Variants in MYT1L observed in about 807,000 individuals in gnomAD.
MYT1L encodes the protein myelin transcription factor 1-like protein.
Under a neutral mutation model 126.7 loss-of-function variants are expected in MYT1L, and 12 were observed. The ratio of observed to expected loss-of-function variants is 0.09; its 90% CI spans 0.06 to 0.15. MYT1L has a LOEUF of 0.15. Among genes scored for constraint, MYT1L ranks in the 10% least tolerant of loss-of-function variants. The probability of loss-of-function intolerance (pLI) is 1.00; values close to 1 mark genes in which losing one functional copy is unlikely to be tolerated. For synonymous variants in MYT1L, 541 were observed against 604.2 expected, an observed-to-expected ratio of 0.90 and a Z score of 1.53; for missense variants, 979 against 1,585.2, an observed-to-expected ratio of 0.62 and a Z score of 6.49.
intron 1 of MYT1L, among the ~76,000 whole-genome samples, chr2:2,303,191 A>T (rs2095810341): frequency 6.6e-6 from 1 of 152,216 alleles, no homozygotes; most frequent in Non-Finnish European, 1.5e-5. Context: ...GTTCAGCATC[A>T]CAGGTGGAGA....
intron 2 of MYT1L, among the ~76,000 whole-genome samples, chr2:2,211,046 G>A (rs2093487465): frequency 6.6e-6 from 1 of 152,054 alleles, no homozygotes; most frequent in Non-Finnish European, 1.5e-5. Flanking sequence ...GTTGACATAT[G>A]GAAATGCTAC....
At chr2:1,959,481 G>A (rs560457445) in intron 8 of MYT1L, among the ~76,000 whole-genome samples, 3 of 152,312 alleles carry the variant, frequency 2.0e-5, no homozygotes, top group African/African-American at 7.2e-5. Context: ...GCATCTGATT[G>A]GCTGGCATGG....
intron 3 of MYT1L, among the ~76,000 whole-genome samples, chr2:2,079,645 A>T (rs2075604546): frequency 1.3e-5 from 2 of 152,270 alleles, no homozygotes; most frequent in South Asian, 4.1e-4. Flanking sequence ...GTCTATTAAA[A>T]ATACACAAAA....
At chr2:2,058,496 G>A (rs2069919946) in intron 3 of MYT1L, among the ~76,000 whole-genome samples, 3 of 152,102 alleles carry the variant, frequency 2.0e-5, no homozygotes, top group Admixed American at 2.0e-4. Flanking sequence ...TTCATGTTCT[G>A]TCTTTCCCCA....
At chr2:1,948,757 T>G (rs906719556) in intron 8 of MYT1L, among the ~76,000 whole-genome samples, 4 of 152,142 alleles carry the variant, frequency 2.6e-5, no homozygotes, top group African/African-American at 9.7e-5. Context: ...GTCACCTCCA[T>G]GGCTCCGCAG....
At chr2:1,901,647 T>C (rs1019179898) in intron 14 of MYT1L, among the ~76,000 whole-genome samples, 3 of 152,210 alleles carry the variant, frequency 2.0e-5, no homozygotes, top group South Asian at 4.1e-4. Context: ...ATAATAAAAA[T>C]GGTTTCTGAA....
At chr2:2,111,016 G>A (rs1419218529) in intron 3 of MYT1L, among the ~76,000 whole-genome samples, 1 of 152,210 alleles carries the variant, frequency 6.6e-6, no homozygotes, top group Non-Finnish European at 1.5e-5. Context: ...CCTCCTGGGA[G>A]GAACGCGGCC....
At chr2:2,281,272 C>T (rs1007057218) in intron 2 of MYT1L, among the ~76,000 whole-genome samples, 1 of 152,214 alleles carries the variant, frequency 6.6e-6, no homozygotes, top group Non-Finnish European at 1.5e-5. Context: ...TGAGACCTCC[C>T]AAGCCATGCA....
chr2:1,904,304 G>A (rs1028442792), intron 13 of MYT1L, among the ~76,000 whole-genome samples: 7 of 152,090 alleles, frequency 4.6e-5, no homozygotes, highest in Non-Finnish European at 8.8e-5. Flanking sequence ...CGGGCTCAAG[G>A]CTTCATGGAT....
At position 1,929,481 on chromosome 2, in the gene MYT1L, G is replaced by A. The variant is rs575894139; in HGVS notation, c.506-6218C>T. ...ATGCACGTGTCTTCCCTGCCAGGCC[G>A]CACTGTCCCTGGCTCCGCTCTAGCC... On this transcript the variant is annotated intron_variant, in intron 9 of 24. Transcript: ENST00000647738. This position sits in a 1 kb window ranked among gnomAD's most constrained non-coding sequence, Gnocchi z 4.7. Among the ~76,000 whole-genome samples the A allele has an allele frequency of 7.2e-5, 11 of 152,318 alleles. No individual in the cohort carries two copies. The South Asian group carries it at 8.3e-4, about 11-fold the overall frequency.
At chr2:2,109,905 A>ATC (rs1401852376) in intron 3 of MYT1L, among the ~76,000 whole-genome samples, 4 of 122,036 alleles carry the variant, frequency 3.3e-5, no homozygotes, top group African/African-American at 1.1e-4. Context: ...ATATATATAT[A>ATC]TATATATATA....
At chr2:1,841,325 G>C (rs111290504) in intron 19 of MYT1L, 1 of 139,232 alleles carries the variant, frequency 7.2e-6, no homozygotes, top group Non-Finnish European at 1.5e-5. Flanking sequence ...CACCACGCCC[G>C]GCTAATTTTT....
intron 1 of MYT1L, among the ~76,000 whole-genome samples, chr2:2,311,849 T>C (rs13008766): frequency 0.058 from 8,869 of 152,298 alleles, 359 homozygotes; most frequent in Middle Eastern, 0.11. Flanking sequence ...TGAGGTAGTG[T>C]CACTGGCTTC....
chr2:2,188,768 G>A (rs2092384542), intron 2 of MYT1L, among the ~76,000 whole-genome samples: 1 of 152,188 alleles, frequency 6.6e-6, no homozygotes, highest in Non-Finnish European at 1.5e-5. Context: ...GAAAATCAGA[G>A]AGAAGAAGCT....
chr2:2,311,662 A>G (rs2095973141), intron 1 of MYT1L, among the ~76,000 whole-genome samples: 1 of 152,070 alleles, frequency 6.6e-6, no homozygotes, highest in South Asian at 2.1e-4. Flanking sequence ...TCTCTTCTCA[A>G]ACTATGGCTG....
At chr2:1,958,626 G>C (rs1053231207) in intron 8 of MYT1L, among the ~76,000 whole-genome samples, 1 of 152,212 alleles carries the variant, frequency 6.6e-6, no homozygotes, top group Admixed American at 6.5e-5. Context: ...CGTCAGAGCC[G>C]CTCTGTGCTG....
In MYT1L at chr2:2,280,642, T is replaced by C. The variant is rs1573112501; in HGVS notation, c.-421+3762A>G. Among the ~76,000 whole-genome samples the C allele has an allele frequency of 2.0e-5, 3 of 152,270 alleles. No homozygotes were observed. The South Asian group carries it at 6.2e-4, about 32-fold the overall frequency. On this transcript the variant is annotated intron_variant, in intron 2 of 24. Coordinates refer to ENST00000647738, the MANE Select transcript of MYT1L (RefSeq NM_001303052.2). Reference sequence around the variant, plus strand: ...TAAGGAGGAAGTCAGGTAACACACATCAACTTCGTAGGACACGGCTGCAGT... The same window carrying C: ...TAAGGAGGAAGTCAGGTAACACACACCAACTTCGTAGGACACGGCTGCAGT...
At chr2:2,079,337 A>G (rs571408163) in intron 3 of MYT1L, among the ~76,000 whole-genome samples, 14 of 152,380 alleles carry the variant, frequency 9.2e-5, no homozygotes, top group Admixed American at 2.6e-4. Context: ...TTGTTTTAAG[A>G]AATTAAAGAT....
At chr2:2,266,952 C>T (rs185002373) in intron 2 of MYT1L, among the ~76,000 whole-genome samples, 2 of 152,280 alleles carry the variant, frequency 1.3e-5, no homozygotes, top group Admixed American at 6.5e-5. Flanking sequence ...TACCCAGTCT[C>T]GAGCGTCTTC....
Sources: gnomAD v4.1 joint callset for allele counts (sites outside exome capture counted in the v4.1 genomes callset) on GRCh38, gnomAD v4.1.1 for gene constraint, Gnocchi (gnomAD v3.1) non-coding constraint, MANE v1.5 for transcripts, NCBI Gene and HGNC (gene_info 2026-07-23, HGNC 2026-07-21) for gene names.